The following PANK3 variants were observed in gnomAD, a reference collection of about 807,000 sequenced individuals.
PANK3 encodes the protein hPanK3.
PANK3 carries 20 observed loss-of-function variants against 39.4 expected under a neutral mutation model. That is an observed-to-expected ratio of 0.51 (90% CI 0.36 to 0.74). The LOEUF is 0.74. Ranked by LOEUF, PANK3 falls within the 30% of genes least tolerant of loss-of-function variation. PANK3 has a pLI of 0.00. For synonymous variants in PANK3, 140 were observed against 157.3 expected, an observed-to-expected ratio of 0.89 and a Z score of 0.82; for missense variants, 265 against 437.0, an observed-to-expected ratio of 0.61 and a Z score of 3.51.
rs1554125888 is a variant in PANK3, at chr5:168,569,030, A to AAATATATATATAT, written c.29-33_29-32insATATATATATATT. 584 of 119,848 alleles carry AAATATATATATAT rather than the reference A, an allele frequency of 4.9e-3. 10 individuals carry two copies. Among genetic ancestry groups the AAATATATATATAT allele is most frequent in the East Asian group, 0.016 (28 of 1,746 alleles). The allele number at this position is 119,848 out of a possible 1,614,324, so 7.4% of individuals were successfully genotyped here. Reference sequence around the variant, plus strand: ...GAGGAAAAAAAAAAAAAAAAAAAAAAATATATATATATATATATATCCATT... The same window carrying AAATATATATATAT: ...GAGGAAAAAAAAAAAAAAAAAAAAAAAATATATATATATATATATATATATATATATATCCATT... On this transcript the variant is annotated intron_variant, in intron 1 of 6. Transcript: ENST00000239231.
At chr5:168,565,781 G>A (rs1364453083) in intron 3 of PANK3, among the ~76,000 whole-genome samples, 1 of 150,058 alleles carries the variant, frequency 6.7e-6, no homozygotes, top group Non-Finnish European at 1.5e-5. Context: ...CCAGTACTTT[G>A]GGAGGCCGAG....
intron 5 of PANK3, 30 bp from the exon 6 acceptor site, chr5:168,559,187 T>A: frequency 7.4e-7 from 1 of 1,353,150 alleles, no homozygotes; most frequent in Non-Finnish European, 1.0e-6. Flanking sequence ...AAAAAACTTG[T>A]AAAAATAATA....
intron 3 of PANK3, 145 bp downstream of exon 3, chr5:168,565,868 A>AAAAATATATATATATATATATATAT: frequency 1.5e-5 from 2 of 131,392 alleles, no homozygotes; most frequent in African/African-American, 3.6e-5. Flanking sequence ...AAAAAAAAAA[A>AAAAATATATATATATATATATATAT]ATATATATAT....
intron 1 of PANK3, 30 bp from the exon 2 acceptor site, chr5:168,569,028 A>ATATATAT (rs1292867383): frequency 2.2e-4 from 55 of 255,256 alleles, no homozygotes; most frequent in African/African-American, 7.1e-4. Context: ...AAAAAAAAAA[A>ATATATAT]AAATATATAT....
At chr5:168,569,868 A>G (rs142189732) in intron 1 of PANK3, among the ~76,000 whole-genome samples, 51 of 152,156 alleles carry the variant, frequency 3.4e-4, no homozygotes, top group African/African-American at 4.8e-4. Flanking sequence ...CCTTGGCAAT[A>G]TAACAAGATC....
Position 168,559,029 on chromosome 5 carries a change from T to A in PANK3, c.1062+3A>T, listed in dbSNP as rs1391454257. ...ATTCACAAAAAACATTTTCCTACCATACCTCATGTTCTAGAAACAATGCTT... is the reference window on the plus strand; with the variant it reads ...ATTCACAAAAAACATTTTCCTACCAAACCTCATGTTCTAGAAACAATGCTT... On this transcript the variant is annotated splice_donor_region_variant and intron_variant, in intron 6 of 6. Transcript: ENST00000239231. 4 of 1,599,618 alleles carry A rather than the reference T, an allele frequency of 2.5e-6. No homozygotes were observed. The highest frequency in any genetic ancestry group is 8.5e-7 in the Non-Finnish European group (1 of 1,174,648).
intron 6 of PANK3, among the ~76,000 whole-genome samples, chr5:168,558,153 CT>C (rs767440372): frequency 0.23 from 26,335 of 115,180 alleles, 2,966 homozygotes; most frequent in African/African-American, 0.42. Context: ...GACATGGAAG[CT>C]TTTTTTTTTT....
chr5:168,567,826 C>T (rs1233838580), intron 2 of PANK3, among the ~76,000 whole-genome samples: 2 of 152,006 alleles, frequency 1.3e-5, no homozygotes, highest in Non-Finnish European at 2.9e-5. Context: ...CACTATATTG[C>T]CCAGGCTGGT....
chr5:168,571,926 GAA>G (rs1481702790), intron 1 of PANK3, among the ~76,000 whole-genome samples: 1 of 151,926 alleles, frequency 6.6e-6, no homozygotes, highest in South Asian at 2.1e-4. Flanking sequence ...TCCAGTGTAG[GAA>G]AAAAAGTTTT....
Position 168,569,008 on chromosome 5 carries a change from GAAA to G in PANK3, c.29-13_29-11del, listed in dbSNP as rs368234880. 0.013 allele frequency: 1,162 copies of G among 90,862 alleles called. 38 individuals are homozygous for G. Among genetic ancestry groups the G allele is most frequent in the African/African-American group, 0.032 (460 of 14,204 alleles). 5.6% of individuals were successfully genotyped at this position (90,862 alleles called of 1,614,324 possible). A position where few individuals can be genotyped will look rare whatever the true frequency, so the allele number is the denominator to read the frequency against. The stretch of plus-strand genomic sequence containing the variant: ...CCAAACCATGGGAAAGCTATGGGAG[GAAA>G]AAAAAAAAAAAAAAAAAAAATATAT... On this transcript the variant is annotated splice_polypyrimidine_tract_variant and intron_variant, in intron 1 of 6. Transcript: ENST00000239231.
intron 1 of PANK3, among the ~76,000 whole-genome samples, chr5:168,576,723 A>G (rs1308313386): frequency 1.3e-5 from 2 of 152,148 alleles, no homozygotes; most frequent in Non-Finnish European, 2.9e-5. Flanking sequence ...ATGCAGTTAA[A>G]TGATGCAATG....
intron 3 of PANK3, 34 bp downstream of exon 3, chr5:168,565,979 G>A: frequency 6.3e-7 from 1 of 1,577,340 alleles, no homozygotes; most frequent in Non-Finnish European, 8.7e-7. Context: ...ATAAAACAAT[G>A]TGAATGCAGC....
intron 4 of PANK3, 108 bp downstream of exon 4, chr5:168,563,781 G>A (rs1040322595): frequency 6.2e-6 from 6 of 974,734 alleles, no homozygotes; most frequent in Non-Finnish European, 8.7e-6. Context: ...ACCTAAACTG[G>A]ATAAGAGAAA....
chr5:168,577,153 A>C (rs1759744301), intron 1 of PANK3, among the ~76,000 whole-genome samples: 1 of 151,902 alleles, frequency 6.6e-6, no homozygotes, highest in South Asian at 2.1e-4. Context: ...TGCTGGGATT[A>C]CAGGTGTAAA....
In PANK3 at chr5:168,554,312, G is replaced by A. The variant is rs931148284; in HGVS notation, c.*3259C>T. The A allele has an allele frequency of 6.6e-6, 1 of 152,136 alleles. No homozygotes were observed. Among genetic ancestry groups the A allele is most frequent in the South Asian group, 2.1e-4 (1 of 4,830 alleles). 9.4% of individuals were successfully genotyped at this position (152,136 alleles called of 1,614,324 possible). A position where few individuals can be genotyped will look rare whatever the true frequency, so the allele number is the denominator to read the frequency against. ...TGTACTTTAAAGAGCTTAAAAAATT[G>A]TTTACATTACACAAGGTAAGTATCA... On this transcript the variant is annotated 3_prime_UTR_variant, in exon 7 of 7. Coordinates refer to ENST00000239231, the MANE Select transcript of PANK3 (RefSeq NM_024594.4).
At chr5:168,572,146 C>T in intron 1 of PANK3, among the ~76,000 whole-genome samples, 1 of 122,884 alleles carries the variant, frequency 8.1e-6, no homozygotes, top group Admixed American at 1.0e-4. Flanking sequence ...TGGAGTCTTG[C>T]TCTGTGGCCC....
At chr5:168,569,398 T>C (rs947636609) in intron 1 of PANK3, among the ~76,000 whole-genome samples, 2 of 151,632 alleles carry the variant, frequency 1.3e-5, no homozygotes, top group African/African-American at 2.4e-5. Flanking sequence ...TTCACCGTGT[T>C]AGCCAGGATG....
chr5:168,556,961 A>C lies in PANK3; in HGVS notation c.*610T>G, dbSNP rs969783584. ...TGCATTTCCCAGGATTCATTTTAGA[A>C]TTCTCATGAAAATTTAATAATAGTA... On this transcript the variant is annotated 3_prime_UTR_variant, in exon 7 of 7. Transcript: ENST00000239231. 6.5e-6 allele frequency: 1 copy of C among 152,686 alleles called. No individual in the cohort carries two copies. The highest frequency in any genetic ancestry group is 6.5e-5 in the Admixed American group (1 of 15,286). 9.5% of individuals were successfully genotyped at this position (152,686 alleles called of 1,614,324 possible). A position where few individuals can be genotyped will look rare whatever the true frequency, so the allele number is the denominator to read the frequency against.
intron 1 of PANK3, 30 bp from the exon 2 acceptor site, chr5:168,569,028 AAAATAT>A: frequency 1.2e-5 from 3 of 252,798 alleles, no homozygotes; most frequent in Non-Finnish European, 1.7e-5. Context: ...AAAAAAAAAA[AAAATAT>A]ATATATATAT....
Sources: allele counts gnomAD v4.1 joint callset (sites outside exome capture counted in the v4.1 genomes callset), GRCh38; gene constraint gnomAD v4.1.1; transcripts MANE v1.5; gene names NCBI Gene and HGNC (gene_info 2026-07-23, HGNC 2026-07-21).